GABRB2: variants seen among roughly 807,000 people sequenced by gnomAD.
GABRB2 encodes the protein gamma-aminobutyric acid receptor subunit beta-2.
A neutral mutation model predicts 54.7 loss-of-function variants in GABRB2; 16 were observed. The ratio of observed to expected loss-of-function variants is 0.29; its 90% confidence interval spans 0.20 to 0.44. The LOEUF is 0.44. Among genes scored for constraint, GABRB2 ranks in the 20% least tolerant of loss-of-function variants. GABRB2 has a pLI of 1.00. For missense variants in GABRB2, 355 were observed against 644.0 expected (o/e 0.55, Z 4.86); for synonymous variants, 244 against 233.8 (o/e 1.04, Z -0.40).
upstream of GABRB2, chr5:161,546,801 TTA>T: frequency 2.1e-6 from 3 of 1,400,842 alleles, no homozygotes; most frequent in Middle Eastern, 2.3e-4. Flanking sequence ...ATTTCCTTGT[TTA>T]AAAAAAAAAA....
intron 9 of GABRB2, among the ~76,000 whole-genome samples, chr5:161,317,831 G>A (rs1029861837): frequency 3.3e-5 from 5 of 152,026 alleles, no homozygotes; most frequent in Admixed American, 3.3e-4. Context: ...AATTCACAGG[G>A]AAGCCAATTC....
At chr5:161,482,118 T>C (rs1049391141) in intron 3 of GABRB2, among the ~76,000 whole-genome samples, 6 of 152,068 alleles carry the variant, frequency 3.9e-5, no homozygotes, top group Non-Finnish European at 7.4e-5. Flanking sequence ...AGCTATACCA[T>C]GAATAGTAAG....
At chr5:161,539,527 A>G (rs1015074432) in intron 3 of GABRB2, among the ~76,000 whole-genome samples, 1 of 152,238 alleles carries the variant, frequency 6.6e-6, no homozygotes, top group Non-Finnish European at 1.5e-5. Context: ...TCAGAGAAAC[A>G]TGGAACTTTG....
chr5:161,388,530 G>T (rs971090774), intron 5 of GABRB2, among the ~76,000 whole-genome samples: 4 of 151,956 alleles, frequency 2.6e-5, no homozygotes, highest in African/African-American at 9.7e-5. Context: ...TAACCTAGAA[G>T]ATGGATAATA....
chr5:161,347,060 T>G (rs1310579012), intron 5 of GABRB2, among the ~76,000 whole-genome samples: 4 of 152,096 alleles, frequency 2.6e-5, no homozygotes, highest in Admixed American at 2.0e-4. Context: ...AACATGGCAC[T>G]GCTATTTTGT....
chr5:161,344,277 C>T (rs558551701), intron 5 of GABRB2, among the ~76,000 whole-genome samples: 3 of 152,138 alleles, frequency 2.0e-5, no homozygotes, highest in South Asian at 4.1e-4. Flanking sequence ...CTTAAATAGT[C>T]TATAACCTAC....
At chr5:161,388,413 A>G (rs1246520129) in intron 5 of GABRB2, among the ~76,000 whole-genome samples, 1 of 152,078 alleles carries the variant, frequency 6.6e-6, no homozygotes, top group East Asian at 1.9e-4. Context: ...GAAATTTTTC[A>G]AACTGAGAGG....
intron 4 of GABRB2, among the ~76,000 whole-genome samples, chr5:161,422,763 T>G (rs933213235): frequency 6.6e-6 from 1 of 152,152 alleles, no homozygotes; most frequent in African/African-American, 2.4e-5. Context: ...AGATATGGAA[T>G]ATGCATGGGA....
At chr5:161,486,980 A>G (rs1581026805) in intron 3 of GABRB2, among the ~76,000 whole-genome samples, 1 of 151,960 alleles carries the variant, frequency 6.6e-6, no homozygotes, top group African/African-American at 2.4e-5. Context: ...TCTTCAATTT[A>G]GCAACAAGAC....
chr5:161,314,811 A>G (rs1757975892), intron 9 of GABRB2, among the ~76,000 whole-genome samples: 1 of 151,990 alleles, frequency 6.6e-6, no homozygotes, highest in South Asian at 2.1e-4. Context: ...AACTACTTTC[A>G]TGATACCAGA....
intron 3 of GABRB2, among the ~76,000 whole-genome samples, chr5:161,514,094 T>C (rs1759861997): frequency 6.6e-6 from 1 of 152,170 alleles, no homozygotes; most frequent in Non-Finnish European, 1.5e-5. Flanking sequence ...TGTGATTTCA[T>C]TCCAGAACTT....
rs372146740 is a variant in GABRB2, at chr5:161,377,173, A to G, written c.541+33802T>C. 5.9e-5 allele frequency among the ~76,000 whole-genome samples: 9 copies of G among 152,268 alleles called. No individual in the cohort carries two copies. The East Asian group carries it at 1.5e-3, about 26-fold the overall frequency. On this transcript the variant is annotated intron_variant, in intron 5 of 9. Coordinates refer to ENST00000393959, the MANE Select transcript of GABRB2 (RefSeq NM_001371727.1). ...GGTAAATGATCTTTTAAAAATATATATGGGCATAAACATCACTTAATGAGT... is the reference window on the plus strand; with the variant it reads ...GGTAAATGATCTTTTAAAAATATATGTGGGCATAAACATCACTTAATGAGT...
At chr5:161,534,630 A>G (rs754674226) in intron 3 of GABRB2, among the ~76,000 whole-genome samples, 3 of 152,236 alleles carry the variant, frequency 2.0e-5, no homozygotes, top group Non-Finnish European at 2.9e-5. Context: ...AAAAAGCAAC[A>G]GTAAAGGATG....
chr5:161,517,239 G>A (rs1420502497), intron 3 of GABRB2, among the ~76,000 whole-genome samples: 1 of 152,176 alleles, frequency 6.6e-6, no homozygotes, highest in African/African-American at 2.4e-5. Flanking sequence ...TCTGGGAGAA[G>A]TAAAATGGTC....
At chr5:161,522,349 A>G (rs1209312306) in intron 3 of GABRB2, among the ~76,000 whole-genome samples, 1 of 151,706 alleles carries the variant, frequency 6.6e-6, no homozygotes, top group Admixed American at 6.6e-5. Context: ...CAACAACACT[A>G]CTGCAGACTC....
chr5:161,405,166 T>C (rs1756311465), intron 5 of GABRB2, among the ~76,000 whole-genome samples: 1 of 152,078 alleles, frequency 6.6e-6, no homozygotes, highest in South Asian at 2.1e-4. Flanking sequence ...ACTGCCATCC[T>C]TCCTAGCCTC....
At chr5:161,387,617 C>T (rs1268953087) in intron 5 of GABRB2, among the ~76,000 whole-genome samples, 5 of 152,122 alleles carry the variant, frequency 3.3e-5, no homozygotes, top group African/African-American at 1.2e-4. Flanking sequence ...ACTGCTCATA[C>T]TTTTCTGTTT....
intron 9 of GABRB2, among the ~76,000 whole-genome samples, chr5:161,319,125 G>GTTT (rs777958862): frequency 2.1e-5 from 3 of 139,598 alleles, no homozygotes; most frequent in Non-Finnish European, 4.8e-5. Flanking sequence ...TTTATTAGCT[G>GTTT]TTTTTTTTTT....
intron 3 of GABRB2, among the ~76,000 whole-genome samples, chr5:161,501,529 T>A (rs1465536165): frequency 2.0e-5 from 3 of 152,190 alleles, no homozygotes; most frequent in Admixed American, 2.0e-4. Context: ...TTCAATGTTA[T>A]TGGCACAGAT....
Sources: allele counts gnomAD v4.1 joint callset (sites outside exome capture counted in the v4.1 genomes callset), GRCh38; gene constraint gnomAD v4.1.1; transcripts MANE v1.5; gene names NCBI Gene and HGNC (gene_info 2026-07-23, HGNC 2026-07-21).